Variants in ZRANB1 observed in about 807,000 individuals in gnomAD.
The protein encoded by ZRANB1 is ubiquitin thioesterase ZRANB1.
ZRANB1 carries 16 observed loss-of-function variants against 80.5 expected under a neutral mutation model. The observed-to-expected ratio is 0.20, with a 90% CI of 0.13 to 0.30. The LOEUF (loss-of-function observed/expected upper bound fraction) is 0.30, where lower values mean the gene tolerates loss of function less well. Ranked by LOEUF, ZRANB1 falls within the 10% of genes least tolerant of loss-of-function variation. The pLI is 1.00. For missense variants in ZRANB1, 576 were observed against 862.6 expected, an observed-to-expected ratio of 0.67 and a Z score of 4.16; for synonymous variants, 291 against 293.1, an observed-to-expected ratio of 0.99 and a Z score of 0.07.
In ZRANB1 at chr10:124,974,377, GC is replaced by G; in HGVS notation, c.1408del (p.Leu470CysfsTer29). The G allele has an allele frequency of 6.2e-7, 1 of 1,614,250 alleles. No homozygotes were observed. The highest frequency in any genetic ancestry group is 8.5e-7 in the Non-Finnish European group (1 of 1,180,030). ...DSVLRKALHDSLHDCSHWFYT... is the reference protein window; with the variant it reads ...DSVLRKALHDXLHDCSHWFYT... ...GTGCTTCGGAAAGCCCTGCATGACA[GC>G]CTGCATGACTGTTCACATTGGTGAG... On this transcript the variant is annotated frameshift_variant, in exon 5 of 9. Coordinates refer to ENST00000359653, the MANE Select transcript of ZRANB1 (RefSeq NM_017580.3). LOFTEE classifies it high-confidence loss of function.
chr10:124,939,725 C>T (rs1021971816), upstream of ZRANB1, among the ~76,000 whole-genome samples: 7 of 152,136 alleles, frequency 4.6e-5, no homozygotes, highest in African/African-American at 1.7e-4. Context: ...TAAGTTTCTA[C>T]ATGCTCATTT....
At chr10:124,922,336 A>AT in the ZRANB1 span, among the ~76,000 whole-genome samples, 2,164 of 43,560 alleles carry the variant, frequency 0.05, 89 homozygotes, top group African/African-American at 0.11. Flanking sequence ...GTATATATAT[A>AT]TTTTTTTTTT....
At chr10:124,948,247 TAAC>T (rs1458724363) in intron 1 of ZRANB1, among the ~76,000 whole-genome samples, 2 of 152,218 alleles carry the variant, frequency 1.3e-5, no homozygotes, top group Non-Finnish European at 2.9e-5. Flanking sequence ...ATTTTCTTAA[TAAC>T]ATTTTCTTTT....
At chr10:124,940,202 A>G (rs1468472924), upstream of ZRANB1, among the ~76,000 whole-genome samples, 5 of 152,258 alleles carry the variant, frequency 3.3e-5, no homozygotes, top group Non-Finnish European at 7.3e-5. Flanking sequence ...TGACCAGCCC[A>G]GTTGATTAGC....
rs570688395 is a variant in ZRANB1 at position 124,948,098 on chromosome 10, C to T, written c.814+4791C>T. Reference sequence around the variant, plus strand: ...TGAGTTTTCTACCAGCTCTGCCACCCCTGAGACAGCAAGAATAATGCCTCT... The same window carrying T: ...TGAGTTTTCTACCAGCTCTGCCACCTCTGAGACAGCAAGAATAATGCCTCT... On this transcript the variant is annotated intron_variant, in intron 1 of 8. Transcript: ENST00000359653. Among the ~76,000 whole-genome samples, 2 of 152,218 alleles carry T rather than the reference C, an allele frequency of 1.3e-5. 1 individual carries two copies. Among genetic ancestry groups the T allele is most frequent in the African/African-American group, 4.8e-5 (2 of 41,532 alleles).
chr10:124,973,748 T>G, intron 4 of ZRANB1, 32 bp downstream of exon 4: 1 of 1,585,764 alleles, frequency 6.3e-7, no homozygotes, highest in Non-Finnish European at 8.6e-7. Context: ...ATAATTTACC[T>G]TTCATCTGAT....
In ZRANB1 at chr10:124,983,707, G is replaced by C; in HGVS notation, c.1908+19G>C. On this transcript the variant is annotated intron_variant, in intron 8 of 8. Coordinates refer to ENST00000359653, the MANE Select transcript of ZRANB1 (RefSeq NM_017580.3). The surrounding 1 kb of genome is among the most constrained non-coding windows in gnomAD (Gnocchi z 6.2). ...TCAGGAGGTAAGCAGTTTCTCCTAT[G>C]AACTATTTCTAGTAGTGACCTTGTA... 6.5e-7 allele frequency: 1 copy of C among 1,546,392 alleles called. No homozygotes were observed. Among genetic ancestry groups the C allele is most frequent in the Non-Finnish European group, 8.8e-7 (1 of 1,140,264 alleles).
rs1952027078 is a variant in ZRANB1 at position 124,986,074 on chromosome 10, G to A, written c.*1082G>A. On this transcript the variant is annotated 3_prime_UTR_variant, in exon 9 of 9. Coordinates refer to ENST00000359653, the MANE Select transcript of ZRANB1 (RefSeq NM_017580.3). ...GAGAATTTTTGCATGTTGGTTAATT[G>A]TGGCCATTCTTTAATTTAAAGTTAA... The A allele has an allele frequency of 6.6e-6, 1 of 152,612 alleles. No individual in the cohort carries two copies. Among genetic ancestry groups the A allele is most frequent in the African/African-American group, 2.4e-5 (1 of 41,442 alleles). 9.5% of individuals were successfully genotyped at this position (152,612 alleles called of 1,614,324 possible).
At chr10:124,927,786 C>T in the ZRANB1 span, among the ~76,000 whole-genome samples, 1 of 152,116 alleles carries the variant, frequency 6.6e-6, no homozygotes, top group East Asian at 1.9e-4. Flanking sequence ...CCTGTAATCC[C>T]AGCACTTTGG....
chr10:124,930,250 TTTCC>T, the ZRANB1 span, among the ~76,000 whole-genome samples: 212 of 152,202 alleles, frequency 1.4e-3, 2 homozygotes, highest in South Asian at 2.9e-3. Flanking sequence ...GTGCAGTACA[TTTCC>T]TTCCTTCCTT....
chr10:124,983,198 G>A lies in ZRANB1; in HGVS notation c.1572G>A (p.Thr524=), dbSNP rs75293113. 1.6e-5 allele frequency: 26 copies of A among 1,613,714 alleles called. No homozygotes were observed. The highest frequency in any genetic ancestry group is 1.7e-4 in the Middle Eastern group (1 of 6,060). ...ASQPGASLEQ[T]HIFVLAHILR... ...AGCCTGGAGCAAGCTTGGAGCAGAC[G>A]CACATTTTTGTACTGGCACATATTC... Residue 524 remains threonine, a synonymous_variant, in exon 7 of 9, where the codon ACG becomes ACA. Transcript: ENST00000359653. This position sits in a 1 kb window ranked among gnomAD's most constrained non-coding sequence, Gnocchi z 6.2.
chr10:124,968,623 G>A (rs895086499), intron 2 of ZRANB1, among the ~76,000 whole-genome samples: 1 of 152,176 alleles, frequency 6.6e-6, no homozygotes, highest in Non-Finnish European at 1.5e-5. Context: ...GCCTAGTTGT[G>A]TTGTCTATTG....
intron 1 of ZRANB1, among the ~76,000 whole-genome samples, chr10:124,961,062 C>A (rs1042504669): frequency 6.6e-6 from 1 of 151,272 alleles, no homozygotes; most frequent in Non-Finnish European, 1.5e-5. Context: ...AGTGCAGTGG[C>A]GCAATCTCGG....
intron 1 of ZRANB1, among the ~76,000 whole-genome samples, chr10:124,958,698 AAC>A (rs1464057755): frequency 6.6e-6 from 1 of 152,228 alleles, no homozygotes; most frequent in Non-Finnish European, 1.5e-5. Flanking sequence ...CTTTATTAGC[AAC>A]AGTTTGGGAG....
chr10:124,936,986 G>T, the ZRANB1 span, among the ~76,000 whole-genome samples: 26 of 151,864 alleles, frequency 1.7e-4, no homozygotes, highest in Non-Finnish European at 8.8e-5. Context: ...ACAGAGTCTC[G>T]CCGGGCCGCC....
the ZRANB1 span, among the ~76,000 whole-genome samples, chr10:124,930,630 A>G: frequency 4.6e-5 from 7 of 152,240 alleles, no homozygotes; most frequent in Admixed American, 1.3e-4. Context: ...TGGTTTTTCC[A>G]TAGTAAAGTA....
In ZRANB1 at chr10:124,986,687, A is replaced by G. The variant is rs1303493692; in HGVS notation, c.*1695A>G. Reference sequence around the variant, plus strand: ...TTGCTTTCATTTTGGCCAATAAGTAATCAAGTTTGTAGAAAATGTTAGCAT... The same window carrying G: ...TTGCTTTCATTTTGGCCAATAAGTAGTCAAGTTTGTAGAAAATGTTAGCAT... On this transcript the variant is annotated 3_prime_UTR_variant, in exon 9 of 9. Transcript: ENST00000359653. 1.3e-5 allele frequency: 2 copies of G among 152,150 alleles called. No individual in the cohort carries two copies. Among genetic ancestry groups the G allele is most frequent in the African/African-American group, 2.4e-5 (1 of 41,420 alleles). 9.4% of individuals were successfully genotyped at this position (152,150 alleles called of 1,614,324 possible). A position where few individuals can be genotyped will look rare whatever the true frequency, so the allele number is the denominator to read the frequency against.
intron 1 of ZRANB1, chr10:124,962,409 G>T (rs1159229768): frequency 1.0e-6 from 1 of 985,116 alleles, no homozygotes; most frequent in African/African-American, 1.7e-5. Flanking sequence ...GTGGGCTCAG[G>T]TAAGTCCTGG....
intron 5 of ZRANB1, among the ~76,000 whole-genome samples, chr10:124,980,834 C>A (rs1446133367): frequency 6.6e-6 from 1 of 152,068 alleles, no homozygotes; most frequent in Admixed American, 6.6e-5. Flanking sequence ...GTTTTGAATT[C>A]TGGACCTCAG....
Sources: allele counts gnomAD v4.1 joint callset (sites outside exome capture counted in the v4.1 genomes callset), GRCh38; gene constraint gnomAD v4.1.1; non-coding constraint Gnocchi (gnomAD v3.1); transcripts MANE v1.5; gene names NCBI Gene and HGNC (gene_info 2026-07-23, HGNC 2026-07-21).